Variants in LRMDA observed in about 807,000 individuals in gnomAD.
LRMDA encodes leucine rich melanocyte differentiation associated, also known as leucine-rich melanocyte differentiation-associated protein.
A neutral mutation model predicts 29.8 loss-of-function variants in LRMDA; 18 were observed. That is an observed-to-expected ratio of 0.60 (90% confidence interval 0.42 to 0.90). The LOEUF (loss-of-function observed/expected upper bound fraction) is 0.90. LRMDA is among the 40% of genes least tolerant of loss of function. LRMDA has a pLI of 0.00. For missense variants in LRMDA, 273 were observed against 273.9 expected (o/e 1.00, Z 0.02); for synonymous variants, 125 against 109.4 (o/e 1.14, Z -0.89).
chr10:75,768,335 T>A (rs1843195643), intron 2 of LRMDA, among the ~76,000 whole-genome samples: 1 of 152,232 alleles, frequency 6.6e-6, no homozygotes, highest in Non-Finnish European at 1.5e-5. Context: ...TAGTAATTTC[T>A]TTGCTGTGCA....
chr10:76,363,334 A>T (rs1841352543), intron 6 of LRMDA, among the ~76,000 whole-genome samples: 1 of 151,992 alleles, frequency 6.6e-6, no homozygotes, highest in Admixed American at 6.6e-5. Context: ...AAAGAAAAGA[A>T]AAGAAAAAAG....
At chr10:75,767,755 C>G (rs911815930) in intron 2 of LRMDA, among the ~76,000 whole-genome samples, 1 of 152,176 alleles carries the variant, frequency 6.6e-6, no homozygotes, top group Non-Finnish European at 1.5e-5. Context: ...CAGGTCCTAA[C>G]CCCTGGAACA....
At chr10:76,209,202 T>C (rs1412503509) in intron 5 of LRMDA, among the ~76,000 whole-genome samples, 2 of 152,052 alleles carry the variant, frequency 1.3e-5, no homozygotes, top group Non-Finnish European at 2.9e-5. Flanking sequence ...TCACACAAAC[T>C]GTCTCCCCTA....
At chr10:75,580,921 A>G (rs1840582617) in intron 2 of LRMDA, among the ~76,000 whole-genome samples, 1 of 152,230 alleles carries the variant, frequency 6.6e-6, no homozygotes, top group Non-Finnish European at 1.5e-5. Flanking sequence ...AATTAACTCA[A>G]GTTGGATTAA....
intron 6 of LRMDA, among the ~76,000 whole-genome samples, chr10:76,510,904 T>C (rs1465728404): frequency 1.3e-5 from 2 of 152,180 alleles, no homozygotes; most frequent in African/African-American, 4.8e-5. Flanking sequence ...AAGTTTAAGT[T>C]TCTTATAACT....
intron 2 of LRMDA, among the ~76,000 whole-genome samples, chr10:75,866,385 C>T (rs1279263213): frequency 2.6e-5 from 4 of 152,218 alleles, no homozygotes; most frequent in Admixed American, 1.3e-4. Context: ...AGGGGACTGG[C>T]TGGCTGCTGC....
chr10:76,014,137 T>TG (rs1381506390), intron 2 of LRMDA, among the ~76,000 whole-genome samples: 18 of 139,722 alleles, frequency 1.3e-4, no homozygotes, highest in East Asian at 2.1e-4. Context: ...TATATATATA[T>TG]ATATATAATT....
At chr10:75,699,696 T>G (rs1051022757) in intron 2 of LRMDA, among the ~76,000 whole-genome samples, 1 of 152,218 alleles carries the variant, frequency 6.6e-6, no homozygotes, top group Non-Finnish European at 1.5e-5. Flanking sequence ...ACTGTGGTAC[T>G]GAATTATGGA....
intron 5 of LRMDA, among the ~76,000 whole-genome samples, chr10:76,170,182 C>T (rs1850809308): frequency 6.6e-6 from 1 of 152,244 alleles, no homozygotes; most frequent in Admixed American, 6.5e-5. Flanking sequence ...TCACCAGTCA[C>T]CCAAGAAGGT....
intron 5 of LRMDA, among the ~76,000 whole-genome samples, chr10:76,222,363 C>A (rs1462662698): frequency 1.3e-5 from 2 of 152,048 alleles, no homozygotes; most frequent in African/African-American, 4.8e-5. Flanking sequence ...TTTTTGCAAC[C>A]TACTCATCTG....
In LRMDA at chr10:76,523,107, ATT is replaced by A. The variant is rs10532136; in HGVS notation, c.602-34090_602-34089del. Among the ~76,000 whole-genome samples the A allele has an allele frequency of 7.3e-3, 1,075 of 147,314 alleles. 22 individuals carry two copies. The East Asian group carries it at 0.076, about 10-fold the overall frequency. The stretch of plus-strand genomic sequence containing the variant: ...TCCCCAGATGTCATACTGACCATTG[ATT>A]TTTTTTTTTTTCTGCTTGCTATTGC... On this transcript the variant is annotated intron_variant, in intron 6 of 6. Transcript: ENST00000611255.
chr10:75,436,157 G>T (rs1844261940), intron 1 of LRMDA, among the ~76,000 whole-genome samples: 1 of 152,018 alleles, frequency 6.6e-6, no homozygotes, highest in African/African-American at 2.4e-5. Flanking sequence ...TATGGCATAG[G>T]ACTTGATCTG....
At chr10:75,486,714 T>C (rs1000623622) in intron 2 of LRMDA, among the ~76,000 whole-genome samples, 6 of 152,164 alleles carry the variant, frequency 3.9e-5, no homozygotes, top group African/African-American at 1.4e-4. Context: ...GCACACACCC[T>C]CCTCCTTGGG....
chr10:75,778,138 C>T (rs144213126), intron 2 of LRMDA, among the ~76,000 whole-genome samples: 9 of 152,118 alleles, frequency 5.9e-5, no homozygotes, highest in Non-Finnish European at 8.8e-5. Context: ...AGTACAGTGA[C>T]GTGATCTTGG....
intron 2 of LRMDA, among the ~76,000 whole-genome samples, chr10:75,889,219 G>A (rs1035923305): frequency 6.6e-6 from 1 of 152,190 alleles, no homozygotes; most frequent in African/African-American, 2.4e-5. Flanking sequence ...TGAAATGTTA[G>A]CAAGTGATGT....
At chr10:75,970,613 C>T (rs1455045911) in intron 2 of LRMDA, among the ~76,000 whole-genome samples, 1 of 152,128 alleles carries the variant, frequency 6.6e-6, no homozygotes, top group Non-Finnish European at 1.5e-5. Context: ...TTCTAGTTGC[C>T]CAACCCTCCT....
Position 76,156,348 on chromosome 10 carries a change from G to T in LRMDA, c.516+97565G>T, listed in dbSNP as rs533859022. 5.3e-5 allele frequency among the ~76,000 whole-genome samples: 8 copies of T among 152,214 alleles called. 1 individual carries two copies. In the South Asian group the frequency reaches 1.7e-3, roughly 32 times the overall value. Reference sequence around the variant, plus strand: ...ATGAGAACTCATAGTTCAGCATTTTGCTTCTCTTCTATGAAAAAAACCGAC... The same window carrying T: ...ATGAGAACTCATAGTTCAGCATTTTTCTTCTCTTCTATGAAAAAAACCGAC... On this transcript the variant is annotated intron_variant, in intron 5 of 6. Transcript: ENST00000611255.
At chr10:75,974,587 A>T (rs1419955219) in intron 2 of LRMDA, among the ~76,000 whole-genome samples, 1 of 152,184 alleles carries the variant, frequency 6.6e-6, no homozygotes, top group Non-Finnish European at 1.5e-5. Context: ...TTTCACATTC[A>T]TGAACTCATT....
intron 2 of LRMDA, among the ~76,000 whole-genome samples, chr10:75,566,932 G>T (rs1389502897): frequency 6.6e-6 from 1 of 152,122 alleles, no homozygotes; most frequent in Admixed American, 6.5e-5. Flanking sequence ...ATCCCATGGG[G>T]GGCCTCATCA....
Sources: gnomAD v4.1 joint callset for allele counts (sites outside exome capture counted in the v4.1 genomes callset) on GRCh38, gnomAD v4.1.1 for gene constraint, MANE v1.5 for transcripts, NCBI Gene and HGNC (gene_info 2026-07-23, HGNC 2026-07-21) for gene names.